Variants in RALGAPA1 observed in about 807,000 individuals in gnomAD.
RALGAPA1 encodes Ral GTPase activating protein catalytic subunit alpha 1.
Under a neutral mutation model 269.6 loss-of-function variants are expected in RALGAPA1, and 52 were observed. The ratio of observed to expected loss-of-function variants is 0.19; its 90% CI spans 0.15 to 0.24. The LOEUF (loss-of-function observed/expected upper bound fraction) is 0.24. RALGAPA1 is among the 10% of genes least tolerant of loss of function. The pLI is 1.00. For synonymous variants in RALGAPA1, 817 were observed against 1,008.3 expected, an observed-to-expected ratio of 0.81 and a Z score of 3.60; for missense variants, 1,917 against 3,013.9, an observed-to-expected ratio of 0.64 and a Z score of 8.52.
chr14:35,622,773 G>A (rs1320999691), intron 35 of RALGAPA1, among the ~76,000 whole-genome samples: 2 of 152,272 alleles, frequency 1.3e-5, no homozygotes, highest in East Asian at 1.9e-4. Flanking sequence ...AGAATTAAAT[G>A]TAAAATAATT....
chr14:35,789,226 G>A (rs1459460636), intron 1 of RALGAPA1, among the ~76,000 whole-genome samples: 1 of 151,726 alleles, frequency 6.6e-6, no homozygotes, highest in Non-Finnish European at 1.5e-5. Context: ...AGGCAGTCTA[G>A]TATAAATATC....
chr14:35,748,867 A>G (rs368780017), intron 9 of RALGAPA1, 43 bp from the exon 10 acceptor site: 1 of 1,535,806 alleles, frequency 6.5e-7, no homozygotes. Context: ...ACAATATCAT[A>G]ATCATTTAAC....
At chr14:35,765,738 C>T (rs2074089023) in intron 4 of RALGAPA1, 2 of 354,884 alleles carry the variant, frequency 5.6e-6, no homozygotes, top group Non-Finnish European at 1.1e-5. Flanking sequence ...TCAGGTGATC[C>T]ACCCACCTTG....
chr14:35,570,736 G>T lies in RALGAPA1; in HGVS notation c.7377C>A (p.Phe2459Leu). The T allele has an allele frequency of 6.3e-7, 1 of 1,590,930 alleles. No individual in the cohort carries two copies. Among genetic ancestry groups the T allele is most frequent in the Non-Finnish European group, 8.5e-7 (1 of 1,170,660 alleles). ...TAGCACCATCAAAAAGGGGACCAAAGAAGGGAACCTGATTGAGAAATCAGA... is the reference window on the plus strand; with the variant it reads ...TAGCACCATCAAAAAGGGGACCAAATAAGGGAACCTGATTGAGAAATCAGA... ...IQIMKKPEVP[F>L]FGPLFDGAIV... The change falls in exon 39 of 42, where the codon TTC becomes TTA. Residue 2459 changes from phenylalanine to leucine, a missense_variant. Physicochemically the swap from Phe to Leu is conservative, Grantham distance 22. Transcript: ENST00000680220.
At position 35,689,550 on chromosome 14, in the gene RALGAPA1, T is replaced by G. The variant is rs577829569; in HGVS notation, c.2861A>C (p.His954Pro). ...GTCTTTCCCTGTCTCATTTTTACTA[T>G]GATTTTCCTGGTTTTCCTTAAAATA... ...KEYFKENQENHSKNETGKDPA... is the reference protein window; with the variant it reads ...KEYFKENQENPSKNETGKDPA... The change falls in exon 18 of 42, where the codon CAT becomes CCT. Residue 954 changes from histidine (H) to proline (P), a missense_variant. His to Pro is a moderately conservative substitution (Grantham distance 77, BLOSUM62 -2). Transcript: ENST00000680220. 1.6e-6 allele frequency: 2 copies of G among 1,241,882 alleles called. No homozygotes were observed. The highest frequency in any genetic ancestry group is 7.9e-5 in the South Asian group (2 of 25,296). The allele number at this position is 1,241,882 out of a possible 1,614,324, so 76.9% of individuals were successfully genotyped here.
At chr14:35,759,152 C>T (rs1311996857) in intron 6 of RALGAPA1, among the ~76,000 whole-genome samples, 4 of 152,158 alleles carry the variant, frequency 2.6e-5, no homozygotes, top group African/African-American at 9.7e-5. Context: ...TGTAAATAAG[C>T]ATGCATATGT....
intron 12 of RALGAPA1, among the ~76,000 whole-genome samples, chr14:35,736,824 T>G (rs1275557178): frequency 6.6e-6 from 1 of 152,006 alleles, no homozygotes; most frequent in East Asian, 1.9e-4. Flanking sequence ...TCACTTGAGG[T>G]CAGGGGTTTA....
chr14:35,701,929 A>G (rs1467808224), intron 16 of RALGAPA1, among the ~76,000 whole-genome samples: 3 of 152,286 alleles, frequency 2.0e-5, no homozygotes, highest in South Asian at 4.1e-4. Flanking sequence ...GATTACATGA[A>G]TAAGTCACCA....
At chr14:35,724,303 A>G (rs2069690356) in intron 14 of RALGAPA1, among the ~76,000 whole-genome samples, 1 of 152,164 alleles carries the variant, frequency 6.6e-6, no homozygotes, top group African/African-American at 2.4e-5. Flanking sequence ...TGGCTAATAT[A>G]TGAAAAAAAA....
At chr14:35,694,265 G>A (rs1163954672) in intron 17 of RALGAPA1, among the ~76,000 whole-genome samples, 1 of 152,036 alleles carries the variant, frequency 6.6e-6, no homozygotes, top group East Asian at 1.9e-4. Flanking sequence ...AAGCACGAAC[G>A]TTAGCTATCA....
chr14:35,740,106 T>C (rs992227555), intron 11 of RALGAPA1, among the ~76,000 whole-genome samples: 5 of 152,184 alleles, frequency 3.3e-5, no homozygotes, highest in Admixed American at 6.5e-5. Context: ...TTTTATCTTA[T>C]ACTATCTCTT....
intron 21 of RALGAPA1, among the ~76,000 whole-genome samples, chr14:35,679,925 G>A (rs1191232562): frequency 6.6e-6 from 1 of 152,130 alleles, no homozygotes; most frequent in Admixed American, 6.5e-5. Flanking sequence ...TAGGTGAAAA[G>A]TTTCCTTTCC....
At chr14:35,633,526 C>T (rs951878695) in intron 33 of RALGAPA1, among the ~76,000 whole-genome samples, 27 of 152,124 alleles carry the variant, frequency 1.8e-4, no homozygotes, top group African/African-American at 6.3e-4. Context: ...CTATGAAGGG[C>T]CAAATAATAA....
At chr14:35,683,205 C>T (rs1182431576) in intron 21 of RALGAPA1, among the ~76,000 whole-genome samples, 1 of 152,184 alleles carries the variant, frequency 6.6e-6, no homozygotes, top group East Asian at 1.9e-4. Context: ...ACTTCACTAA[C>T]ATTGCAATAA....
intron 34 of RALGAPA1, 83 bp from the exon 35 acceptor site, chr14:35,625,515 A>G: frequency 3.1e-6 from 3 of 969,492 alleles, no homozygotes; most frequent in Non-Finnish European, 4.6e-6. Context: ...CACTCTACTC[A>G]TGCAACTTTT....
chr14:35,746,196 C>G (rs1356350824), intron 10 of RALGAPA1, among the ~76,000 whole-genome samples: 1 of 152,022 alleles, frequency 6.6e-6, no homozygotes, highest in Non-Finnish European at 1.5e-5. Flanking sequence ...CTTAAATTTG[C>G]AATATAAAAA....
intron 37 of RALGAPA1, among the ~76,000 whole-genome samples, chr14:35,589,525 T>C (rs2058509254): frequency 1.3e-5 from 2 of 152,140 alleles, no homozygotes; most frequent in African/African-American, 4.8e-5. Context: ...ATATACAATT[T>C]CAATTTATCA....
At chr14:35,644,518 T>C (rs191908491) in intron 31 of RALGAPA1, among the ~76,000 whole-genome samples, 2 of 152,148 alleles carry the variant, frequency 1.3e-5, no homozygotes, top group Non-Finnish European at 2.9e-5. Context: ...CCAAATAACT[T>C]ATGAACACAT....
At chr14:35,678,915 T>C (rs1314429779) in intron 21 of RALGAPA1, among the ~76,000 whole-genome samples, 3 of 152,122 alleles carry the variant, frequency 2.0e-5, no homozygotes, top group Admixed American at 2.0e-4. Context: ...GATTACAGAG[T>C]CTCTGCTAGA....
Sources: gnomAD v4.1 joint callset for allele counts (sites outside exome capture counted in the v4.1 genomes callset) on GRCh38, gnomAD v4.1.1 for gene constraint, MANE v1.5 for transcripts, NCBI Gene and HGNC (gene_info 2026-07-23, HGNC 2026-07-21) for gene names.